The following DHRSX variants were observed in gnomAD, a reference collection of about 807,000 sequenced individuals.
The protein encoded by DHRSX is dehydrogenase/reductase X-linked, also known as polyprenol dehydrogenase.
DHRSX carries 31 observed loss-of-function variants against 34.0 expected under a neutral mutation model. That is an observed-to-expected ratio of 0.91 (90% confidence interval 0.69 to 1.23). The LOEUF (loss-of-function observed/expected upper bound fraction) is 1.23. Among genes scored for constraint, DHRSX ranks in the 50% most tolerant of loss-of-function variants. The probability of loss-of-function intolerance (pLI) is 0.00; values close to 1 mark genes in which losing one functional copy is unlikely to be tolerated. For synonymous variants in DHRSX, 201 were observed against 183.8 expected, an observed-to-expected ratio of 1.09 and a Z score of -0.76; for missense variants, 414 against 428.1, an observed-to-expected ratio of 0.97 and a Z score of 0.29.
At chrX:2,387,748 T>A (rs1285136664) in intron 3 of DHRSX, among the ~76,000 whole-genome samples, 1 of 151,786 alleles carries the variant, frequency 6.6e-6, no homozygotes, top group Non-Finnish European at 1.5e-5. Flanking sequence ...GTATTAATCA[T>A]CGCAGAACCC....
chrX:2,452,444 T>A (rs7880018), intron 1 of DHRSX, among the ~76,000 whole-genome samples: 68,719 of 150,416 alleles, frequency 0.46, 18,569 homozygotes, highest in African/African-American at 0.75. Context: ...TCCCTACGAA[T>A]GTGGATAAGG....
chrX:2,392,856 G>T, intron 3 of DHRSX, among the ~76,000 whole-genome samples: 1 of 139,756 alleles, frequency 7.2e-6, no homozygotes. Context: ...ATATATTTAT[G>T]TAATATATAT....
chrX:2,349,529 G>A (rs986528501), intron 3 of DHRSX, among the ~76,000 whole-genome samples: 3 of 151,194 alleles, frequency 2.0e-5, no homozygotes, highest in African/African-American at 7.3e-5. Context: ...CCACTAAGAA[G>A]TACAAAAATT....
intron 3 of DHRSX, among the ~76,000 whole-genome samples, chrX:2,392,627 TTA>T (rs1268334887): frequency 6.8e-6 from 1 of 146,638 alleles, no homozygotes; most frequent in African/African-American, 2.5e-5. Flanking sequence ...ATTATATTTA[TTA>T]TATATTATGT....
chrX:2,418,780 T>C (rs1299876194), intron 2 of DHRSX, among the ~76,000 whole-genome samples: 2 of 152,164 alleles, frequency 1.3e-5, no homozygotes, highest in South Asian at 2.1e-4. Flanking sequence ...ATCTCAAATA[T>C]TGGCAGAAGT....
At chrX:2,269,524 A>G (rs1251573631) in intron 4 of DHRSX, among the ~76,000 whole-genome samples, 1 of 151,962 alleles carries the variant, frequency 6.6e-6, no homozygotes, top group African/African-American at 2.4e-5. Context: ...GTGTGTGTGT[A>G]TTTTATATGT....
At chrX:2,260,998 T>C (rs1439117936) in intron 5 of DHRSX, among the ~76,000 whole-genome samples, 1 of 151,726 alleles carries the variant, frequency 6.6e-6, no homozygotes, top group African/African-American at 2.4e-5. Context: ...TCACTTGAGG[T>C]CAGGAGTTTG....
chrX:2,298,606 A>ACACACACACACACACACACACGCG (rs1490584820), intron 3 of DHRSX, among the ~76,000 whole-genome samples: 2 of 48,462 alleles, frequency 4.1e-5, no homozygotes, highest in Admixed American at 1.9e-4. Context: ...GTGTGTACAC[A>ACACACACACACACACACACACGCG]CACACACACA....
intron 3 of DHRSX, among the ~76,000 whole-genome samples, chrX:2,374,240 G>T (rs1042838232): frequency 6.6e-6 from 1 of 152,144 alleles, no homozygotes; most frequent in African/African-American, 2.4e-5. Context: ...TGGCTGATTT[G>T]GATTCTTGAC....
chrX:2,440,655 G>T (rs141897596), intron 1 of DHRSX, among the ~76,000 whole-genome samples: 1,774 of 151,660 alleles, frequency 0.012, 36 homozygotes, highest in African/African-American at 0.041. Flanking sequence ...AAGACCCCAG[G>T]GTCTTTGGGT....
At chrX:2,314,412 GGGAAGGAAGGAAGGGGAGAA>G (rs1347397510) in intron 3 of DHRSX, among the ~76,000 whole-genome samples, 11 of 107,852 alleles carry the variant, frequency 1.0e-4, no homozygotes, top group Non-Finnish European at 1.6e-4. Context: ...AAAGAAGGGA[GGGAAGGAAGGAAGGGGAGAA>G]GGGAGGAAGG....
At chrX:2,272,868 T>C (rs2041575855) in intron 4 of DHRSX, among the ~76,000 whole-genome samples, 2 of 152,224 alleles carry the variant, frequency 1.3e-5, no homozygotes, top group South Asian at 4.1e-4. Flanking sequence ...ACAAGCTGTA[T>C]AGAAAACAGC....
chrX:2,264,740 G>A (rs969409052), intron 5 of DHRSX, among the ~76,000 whole-genome samples: 1 of 151,054 alleles, frequency 6.6e-6, no homozygotes, highest in African/African-American at 2.4e-5. Context: ...CCTGTGCCCA[G>A]CAGACACAGG....
chrX:2,264,198 C>T (rs1343660187), intron 5 of DHRSX, among the ~76,000 whole-genome samples: 1 of 151,976 alleles, frequency 6.6e-6, no homozygotes, highest in Non-Finnish European at 1.5e-5. Context: ...CAGGCAGCAC[C>T]ATTTCCAGAG....
chrX:2,360,551 C>A (rs778880093), intron 3 of DHRSX, among the ~76,000 whole-genome samples: 1 of 152,040 alleles, frequency 6.6e-6, no homozygotes, highest in African/African-American at 2.4e-5. Flanking sequence ...CCACTGCACT[C>A]CAGCCTGGGC....
intron 3 of DHRSX, among the ~76,000 whole-genome samples, chrX:2,389,506 A>G (rs1204422300): frequency 6.6e-6 from 1 of 152,062 alleles, no homozygotes. Flanking sequence ...CAGCACATGG[A>G]TGACACCCCA....
At chrX:2,225,621 G>A (rs2015641229) in intron 6 of DHRSX, among the ~76,000 whole-genome samples, 1 of 151,302 alleles carries the variant, frequency 6.6e-6, no homozygotes, top group Admixed American at 6.6e-5. Flanking sequence ...AATGTATGTC[G>A]TTTCTAAGCC....
chrX:2,334,336 G>A (rs928287468), intron 3 of DHRSX: 1 of 151,652 alleles, frequency 6.6e-6, no homozygotes, highest in African/African-American at 2.4e-5. Flanking sequence ...GGCTAATATT[G>A]GTATTTTTAG....
chrX:2,259,013 G>A (rs1412123360), intron 5 of DHRSX, among the ~76,000 whole-genome samples: 1 of 152,186 alleles, frequency 6.6e-6, no homozygotes, highest in East Asian at 1.9e-4. Context: ...AGTGGCTCAC[G>A]CCTGTAATCC....
Sources: allele counts gnomAD v4.1 joint callset (sites outside exome capture counted in the v4.1 genomes callset), GRCh38; gene constraint gnomAD v4.1.1; transcripts MANE v1.5; gene names NCBI Gene and HGNC (gene_info 2026-07-23, HGNC 2026-07-21).